PEAR1: variants seen among roughly 807,000 people sequenced by gnomAD.
PEAR1 encodes platelet endothelial aggregation receptor 1.
A neutral mutation model predicts 131.2 loss-of-function variants in PEAR1; 113 were observed. The ratio of observed to expected loss-of-function variants is 0.86; its 90% CI spans 0.74 to 1.01. PEAR1 has a LOEUF of 1.01. PEAR1 is among the 50% of genes least tolerant of loss of function. The pLI, the probability that PEAR1 is intolerant of heterozygous loss-of-function variation, is 0.00. For missense variants in PEAR1, 1,408 were observed against 1,391.1 expected, an observed-to-expected ratio of 1.01 and a Z score of -0.19; for synonymous variants, 565 against 523.3, an observed-to-expected ratio of 1.08 and a Z score of -1.09.
chr1:156,914,764 C>T lies in PEAR1; in HGVS notation c.3080C>T (p.Pro1027Leu). The T allele has an allele frequency of 3.1e-6, 5 of 1,613,984 alleles. No individual in the cohort carries two copies. Among genetic ancestry groups the T allele is most frequent in the South Asian group, 1.1e-5 (1 of 91,042 alleles). ...TATGACTTGCCTCCAGTACGGCATC[C>T]CCCATCACCTCCACTTCGACGCCAG... Reference protein sequence around the residue: ...GHYDLPPVRHPPSPPLRRQDR With the variant: ...GHYDLPPVRHLPSPPLRRQDR The change falls in exon 23 of 23, where the codon CCC becomes CTC. Residue 1027 changes from proline (P) to leucine (L), a missense_variant. Physicochemically the swap from Pro to Leu is moderately conservative, Grantham distance 98. Transcript: ENST00000292357.
rs758504130 is a variant in PEAR1 at position 156,906,355 on chromosome 1, C to T, written c.387C>T (p.Asp129=). The T allele has an allele frequency of 7.4e-5, 120 of 1,614,046 alleles. No homozygotes were observed. Among genetic ancestry groups the T allele is most frequent in the Admixed American group, 1.3e-4 (8 of 59,998 alleles). ...AATGTGTGCCAGGCTGGCGGGGCGA[C>T]GACTGTTCCAGTGGTGAGTGGCTAC... ...QCQCVPGWRG[D]DCSSECAPGM... Residue 129 remains aspartate (D), a synonymous_variant, in exon 5 of 23, where the codon GAC becomes GAT. Transcript: ENST00000292357.
intron 3 of PEAR1, chr1:156,905,085 G>GC: frequency 7.5e-7 from 1 of 1,324,770 alleles, no homozygotes; most frequent in South Asian, 1.3e-5. Flanking sequence ...GTGGGGTTGG[G>GC]GGGGGGGCAA....
Position 156,912,953 on chromosome 1 carries a change from G to T in PEAR1, c.2393G>T (p.Arg798Leu), listed in dbSNP as rs753945173. ...CTGGCTGTGGCTTACAGCAGCGGGC[G>T]CCTGGACGGCTCCGAGTATGTCATG... ...HHLAVAYSSG[R>L]LDGSEYVMPD... Residue 798 changes from arginine (R) to leucine (L), a missense_variant, in exon 18 of 23, where the codon CGC (arginine) becomes CTC (leucine). Transcript: ENST00000292357. 6.2e-7 allele frequency: 1 copy of T among 1,614,066 alleles called. No homozygotes were observed. Among genetic ancestry groups the T allele is most frequent in the Non-Finnish European group, 8.5e-7 (1 of 1,180,042 alleles).
At position 156,906,835 on chromosome 1, in the gene PEAR1, C is replaced by T; in HGVS notation, c.599C>T (p.Pro200Leu). Residue 200 changes from proline to leucine, a missense_variant, in exon 6 of 23, where the codon CCC becomes CTC. Coordinates refer to ENST00000292357, the MANE Select transcript of PEAR1 (RefSeq NM_001080471.3). ...RCQCHGAPCD[P>L]QTGACFCPAE... Reference sequence around the variant, plus strand: ...CAGTGCCATGGGGCACCCTGCGATCCCCAGACTGGAGCCTGCTTCTGCCCC... The same window carrying T: ...CAGTGCCATGGGGCACCCTGCGATCTCCAGACTGGAGCCTGCTTCTGCCCC... 1 of 1,614,196 alleles carries T rather than the reference C, an allele frequency of 6.2e-7. No homozygotes were observed.
chr1:156,907,533 G>T, intron 6 of PEAR1, 77 bp from the exon 7 acceptor site: 1 of 1,541,366 alleles, frequency 6.5e-7, no homozygotes, highest in Non-Finnish European at 8.8e-7. Flanking sequence ...TGGGGGTTGT[G>T]GGGGCAGTCC....
Position 156,907,933 on chromosome 1 carries a change from C to A in PEAR1, c.784C>A (p.Pro262Thr). 1 of 1,591,644 alleles carries A rather than the reference C, an allele frequency of 6.3e-7. No individual in the cohort carries two copies. The highest frequency in any genetic ancestry group is 1.1e-5 in the South Asian group (1 of 88,726). Residue 262 changes from proline to threonine, a missense_variant, in exon 8 of 23, where the codon CCC (proline) becomes ACC (threonine). Physicochemically the swap from Pro to Thr is conservative, Grantham distance 38. Coordinates refer to ENST00000292357, the MANE Select transcript of PEAR1 (RefSeq NM_001080471.3). ...CCCACAGGGCACCATCTGCTCCCTG[C>A]CCTGCCCAGAGGGCTTTCACGGACC... Reference protein sequence around the residue: ...PGWMGTICSLPCPEGFHGPNC... With the variant: ...PGWMGTICSLTCPEGFHGPNC...
intron 16 of PEAR1, 48 bp downstream of exon 16, chr1:156,912,423 T>C: frequency 6.2e-7 from 1 of 1,602,294 alleles, no homozygotes; most frequent in Non-Finnish European, 8.5e-7. Flanking sequence ...ACTTAACCCT[T>C]ACCCAAAAAA....
Position 156,905,325 on chromosome 1 carries a change from G to A in PEAR1, c.208G>A (p.Val70Ile). 6.2e-7 allele frequency: 1 copy of A among 1,611,474 alleles called. No individual in the cohort carries two copies. The highest frequency in any genetic ancestry group is 1.1e-5 in the South Asian group (1 of 91,008). The change falls in exon 4 of 23, where the codon GTT becomes ATT. Residue 70 changes from valine (V) to isoleucine (I), a missense_variant and splice_region_variant. Transcript: ENST00000292357. ...GGGCCGCCTTCCTGGCCTCCGCAGG[G>A]TTGTATACCGGACCGTGTACCGTCA... is the stretch of plus-strand genomic sequence containing the variant. ...EGPHTCPQPTVVYRTVYRQVV... is the reference protein window; with the variant it reads ...EGPHTCPQPTIVYRTVYRQVV...
Position 156,906,875 on chromosome 1 carries a change from G to A in PEAR1, c.639G>A (p.Gly213=). The A allele has an allele frequency of 6.2e-7, 1 of 1,613,868 alleles. No individual in the cohort carries two copies. Among genetic ancestry groups the A allele is most frequent in the Non-Finnish European group, 8.5e-7 (1 of 1,179,910 alleles). ...GCTTCTGCCCCGCAGAGAGAACTGG[G>A]CCCAGGTATGTAATGGGGGGAACGA... The part of the protein sequence containing the change: ...GACFCPAERT[G]PSCDVSCSQG... Residue 213 remains glycine, a synonymous_variant, in exon 6 of 23, where the codon GGG becomes GGA. Coordinates refer to ENST00000292357, the MANE Select transcript of PEAR1 (RefSeq NM_001080471.3).
At chr1:156,896,971 C>T (rs1649227765) in intron 1 of PEAR1, among the ~76,000 whole-genome samples, 1 of 152,216 alleles carries the variant, frequency 6.6e-6, no homozygotes, top group South Asian at 2.1e-4. Flanking sequence ...GTCTTGAGGG[C>T]CCCGAGACAA....
intron 1 of PEAR1, among the ~76,000 whole-genome samples, chr1:156,898,256 G>A (rs567910268): frequency 6.6e-6 from 1 of 152,268 alleles, no homozygotes; most frequent in South Asian, 2.1e-4. Flanking sequence ...GTGTGAATCA[G>A]GATCCCTGCA....
At chr1:156,910,998 A>T (rs1651003878) in intron 15 of PEAR1, among the ~76,000 whole-genome samples, 1 of 151,906 alleles carries the variant, frequency 6.6e-6, no homozygotes, top group Non-Finnish European at 1.5e-5. Context: ...GAGCAGGGGA[A>T]ATCATAGGCT....
In PEAR1 at chr1:156,913,924, G is replaced by A. The variant is rs751421862; in HGVS notation, c.2786G>A (p.Arg929Gln). The A allele has an allele frequency of 1.1e-5, 17 of 1,613,910 alleles. No individual in the cohort carries two copies. The highest frequency in any genetic ancestry group is 4.5e-5 in the East Asian group (2 of 44,880). The change falls in exon 22 of 23, where the codon CGG becomes CAG. Residue 929 changes from arginine to glutamine, a missense_variant. Arg to Gln is a conservative substitution (Grantham distance 43). Coordinates refer to ENST00000292357, the MANE Select transcript of PEAR1 (RefSeq NM_001080471.3). Reference protein sequence around the residue: ...LSSENPYATIRDLPSLPGGPR... With the variant: ...LSSENPYATIQDLPSLPGGPR... ...AGTGAGAACCCATATGCCACCATCC[G>A]GGACCTGCCCAGCTTGCCAGGGGGC...
At chr1:156,912,042 A>G (rs550745639) in intron 15 of PEAR1, among the ~76,000 whole-genome samples, 2 of 152,350 alleles carry the variant, frequency 1.3e-5, no homozygotes, top group East Asian at 3.9e-4. Flanking sequence ...TTGAGTAGGT[A>G]GTTGGACACG....
chr1:156,913,609 G>A lies in PEAR1; in HGVS notation c.2645-83G>A, dbSNP rs991525614. On this transcript the variant is annotated intron_variant, in intron 20 of 22. Transcript: ENST00000292357. ...TCTGAGTGTGTGTGTCTGGAGACGG[G>A]GGCTCTGGGCCCCATTTCTAGAGGA... The A allele has an allele frequency of 7.5e-6, 12 of 1,597,508 alleles. No individual in the cohort carries two copies. The African/African-American group carries it at 1.6e-4, about 21-fold the overall frequency.
chr1:156,916,064 T>C lies in PEAR1; in HGVS notation c.*1266T>C, dbSNP rs1384549440. ...GGGGGTGCAGAGGCTGGAGAAAGGA[T>C]AACAGGAGAGAGTATACAGGCATGC... On this transcript the variant is annotated 3_prime_UTR_variant, in exon 23 of 23. Coordinates refer to ENST00000292357, the MANE Select transcript of PEAR1 (RefSeq NM_001080471.3). 6.6e-6 allele frequency: 1 copy of C among 152,172 alleles called. No individual in the cohort carries two copies. The highest frequency in any genetic ancestry group is 2.4e-5 in the African/African-American group (1 of 41,414). 9.4% of individuals were successfully genotyped at this position (152,172 alleles called of 1,614,324 possible).
intron 4 of PEAR1, 68 bp from the exon 5 acceptor site, chr1:156,906,208 G>C (rs1650277685): frequency 1.4e-6 from 2 of 1,453,258 alleles, no homozygotes; most frequent in African/African-American, 1.4e-5. Context: ...GTGGGGTTAG[G>C]CTTTGCAGGA....
chr1:156,907,017 A>T, intron 6 of PEAR1, 137 bp downstream of exon 6: 4 of 1,306,266 alleles, frequency 3.1e-6, no homozygotes, highest in Non-Finnish European at 4.1e-6. Context: ...GTCCCAGTGG[A>T]TCCTATTCCT....
Position 156,914,694 on chromosome 1 carries a change from C to T in PEAR1, c.3010C>T (p.Pro1004Ser), listed in dbSNP as rs114896181. The change falls in exon 23 of 23, where the codon CCC becomes TCC. Residue 1004 changes from proline to serine, a missense_variant. By Grantham distance (74) the Pro-to-Ser change is moderately conservative. Coordinates refer to ENST00000292357, the MANE Select transcript of PEAR1 (RefSeq NM_001080471.3). ...SQPPLPPGLP[P>S]GHYDSPKNSH... ...GCCCCCTCTGCCTCCGGGCCTACCC[C>T]CCGGCCACTATGACTCACCCAAGAA... is the stretch of plus-strand genomic sequence containing the variant. 2 of 1,613,994 alleles carry T rather than the reference C, an allele frequency of 1.2e-6. No individual in the cohort carries two copies. Among genetic ancestry groups the T allele is most frequent in the Non-Finnish European group, 1.7e-6 (2 of 1,179,892 alleles).
Sources: gnomAD v4.1 joint callset for allele counts (sites outside exome capture counted in the v4.1 genomes callset) on GRCh38, gnomAD v4.1.1 for gene constraint, MANE v1.5 for transcripts, NCBI Gene and HGNC (gene_info 2026-07-23, HGNC 2026-07-21) for gene names.